The following PRELID2 variants were observed in gnomAD, a reference collection of about 807,000 sequenced individuals.
The protein encoded by PRELID2 is PRELI domain-containing protein 2.
Under a neutral mutation model 28.4 loss-of-function variants are expected in PRELID2, and 25 were observed. That is an observed-to-expected ratio of 0.88 (90% CI 0.64 to 1.23). The LOEUF is 1.23. PRELID2 is among the 50% of genes most tolerant of loss of function. PRELID2 has a pLI of 0.00. For missense variants in PRELID2, 201 were observed against 214.4 expected (o/e 0.94, Z 0.39); for synonymous variants, 76 against 71.6 (o/e 1.06, Z -0.31).
At chr5:145,306,128 G>A in the PRELID2 span, among the ~76,000 whole-genome samples, 18 of 152,172 alleles carry the variant, frequency 1.2e-4, no homozygotes, top group South Asian at 2.7e-3. Context: ...CATGCTTAGC[G>A]TTCCAGTAAT....
intron 3 of PRELID2, 118 bp from the exon 4 acceptor site, chr5:145,818,172 G>C: frequency 2.0e-6 from 2 of 1,022,550 alleles, no homozygotes; most frequent in Non-Finnish European, 2.8e-6. Flanking sequence ...CTGATACATG[G>C]ATGATGGCTC....
the PRELID2 span, among the ~76,000 whole-genome samples, chr5:145,322,470 A>G: frequency 6.6e-6 from 1 of 152,208 alleles, no homozygotes; most frequent in Non-Finnish European, 1.5e-5. Flanking sequence ...TAGCATTGAG[A>G]GGACTTAATT....
At chr5:145,260,978 TG>T in the PRELID2 span, among the ~76,000 whole-genome samples, 1 of 152,128 alleles carries the variant, frequency 6.6e-6, no homozygotes, top group Non-Finnish European at 1.5e-5. Flanking sequence ...AGTGGGGGCA[TG>T]GTGGGAGTGA....
chr5:145,534,517 G>C (rs1752682969), intron 1 of PRELID2, among the ~76,000 whole-genome samples: 1 of 151,932 alleles, frequency 6.6e-6, no homozygotes, highest in South Asian at 2.1e-4. Context: ...AAAAACTGGT[G>C]CAACTAAAAA....
chr5:145,753,400 T>A (rs1757177290), downstream of PRELID2, among the ~76,000 whole-genome samples: 1 of 152,220 alleles, frequency 6.6e-6, no homozygotes, highest in Non-Finnish European at 1.5e-5. Flanking sequence ...CTTTTGATCA[T>A]AACCAAACAG....
chr5:145,671,893 G>A (rs775811126), intron 1 of PRELID2, among the ~76,000 whole-genome samples: 1 of 152,122 alleles, frequency 6.6e-6, no homozygotes, highest in Non-Finnish European at 1.5e-5. Context: ...GCTTTGGAAT[G>A]TTATTGCAAT....
At position 145,486,575 on chromosome 5, in the gene PRELID2, G is replaced by A. The variant is rs61660782; in HGVS notation, n.71-13260C>T. Among the ~76,000 whole-genome samples the A allele has an allele frequency of 3.8e-3, 585 of 152,232 alleles. 3 individuals carry two copies. The highest frequency in any genetic ancestry group is 0.013 in the African/African-American group (559 of 41,532). On this transcript the variant is annotated intron_variant and non_coding_transcript_variant, in intron 1 of 2. Transcript: ENST00000510259. ...TCTTGGTGCATTTTTCTGTAAGACCGCTCTTGGGGAAAATTCAGTCTGGGC... is the reference window on the plus strand; with the variant it reads ...TCTTGGTGCATTTTTCTGTAAGACCACTCTTGGGGAAAATTCAGTCTGGGC...
At chr5:145,422,009 G>A in the PRELID2 span, among the ~76,000 whole-genome samples, 2 of 149,724 alleles carry the variant, frequency 1.3e-5, no homozygotes, top group Admixed American at 6.7e-5. Flanking sequence ...TCATTCAGGA[G>A]CAGGTTGTTC....
chr5:145,259,355 T>C, the PRELID2 span, among the ~76,000 whole-genome samples: 10 of 152,116 alleles, frequency 6.6e-5, no homozygotes, highest in African/African-American at 2.4e-4. Context: ...TTTGCATTCC[T>C]GCACCTGGAA....
chr5:145,395,237 C>T, the PRELID2 span, among the ~76,000 whole-genome samples: 83 of 152,002 alleles, frequency 5.5e-4, 1 homozygote, highest in Non-Finnish European at 3.2e-4. Context: ...CCTTTTCCTG[C>T]CCACCACCCT....
At chr5:145,418,666 G>A in the PRELID2 span, among the ~76,000 whole-genome samples, 2 of 152,148 alleles carry the variant, frequency 1.3e-5, no homozygotes, top group Non-Finnish European at 2.9e-5. Flanking sequence ...AATAAATGGT[G>A]CTGGGAGAAC....
chr5:145,349,609 T>C, the PRELID2 span, among the ~76,000 whole-genome samples: 1 of 152,080 alleles, frequency 6.6e-6, no homozygotes, highest in Admixed American at 6.6e-5. Flanking sequence ...ACTCCACATA[T>C]ACAACCATCT....
At chr5:145,553,613 T>G (rs1385942664) in intron 1 of PRELID2, among the ~76,000 whole-genome samples, 1 of 152,240 alleles carries the variant, frequency 6.6e-6, no homozygotes, top group Non-Finnish European at 1.5e-5. Context: ...GATCATTGAT[T>G]AGGCTGGAAA....
chr5:145,678,618 C>T (rs1754869645), intron 1 of PRELID2, among the ~76,000 whole-genome samples: 1 of 152,168 alleles, frequency 6.6e-6, no homozygotes, highest in East Asian at 1.9e-4. Context: ...GGTTTTTCAA[C>T]TGGCCAATTA....
At position 145,716,666 on chromosome 5, in the gene PRELID2, C is replaced by T. The variant is rs1015564070; in HGVS notation, n.70+48265G>A. ...CACACAGTTGCAACCAAAGTATATA[C>T]GCTATTTTACTGGCTTGATTTTTAC... is the stretch of plus-strand genomic sequence containing the variant. On this transcript the variant is annotated intron_variant and non_coding_transcript_variant, in intron 1 of 2. Coordinates refer to the PRELID2 transcript ENST00000510259. Among the ~76,000 whole-genome samples the T allele has an allele frequency of 6.6e-5, 10 of 152,146 alleles. 1 individual carries two copies. In the South Asian group the frequency reaches 1.9e-3, roughly 28 times the overall value.
Position 145,818,068 on chromosome 5 carries a change from A to G in PRELID2, c.208-14T>C. ...CAAAATGCTCACCTGTCCAACAGAA[A>G]GAAAATGGCTTTTTCAATTTAGGAA... is the stretch of plus-strand genomic sequence containing the variant. On this transcript the variant is annotated splice_polypyrimidine_tract_variant and intron_variant, in intron 3 of 6. Transcript: ENST00000683046. 1 of 1,610,368 alleles carries G rather than the reference A, an allele frequency of 6.2e-7. No individual in the cohort carries two copies. The highest frequency in any genetic ancestry group is 8.5e-7 in the Non-Finnish European group (1 of 1,178,292).
the PRELID2 span, among the ~76,000 whole-genome samples, chr5:145,424,048 G>T: frequency 7.1e-6 from 1 of 140,430 alleles, no homozygotes; most frequent in Non-Finnish European, 1.6e-5. Context: ...TAGGCTGCTC[G>T]GGGGTCAGGG....
chr5:145,329,449 A>G, the PRELID2 span, among the ~76,000 whole-genome samples: 1 of 151,938 alleles, frequency 6.6e-6, no homozygotes, highest in Admixed American at 6.6e-5. Context: ...GTTCTCTCTT[A>G]TTTCCTTGAG....
At chr5:145,416,484 T>C in the PRELID2 span, among the ~76,000 whole-genome samples, 5 of 151,962 alleles carry the variant, frequency 3.3e-5, no homozygotes, top group Non-Finnish European at 7.4e-5. Flanking sequence ...ACAGGCAACC[T>C]ACAAAATGGG....
Sources: allele counts gnomAD v4.1 joint callset (sites outside exome capture counted in the v4.1 genomes callset), GRCh38; gene constraint gnomAD v4.1.1; transcripts MANE v1.5; gene names NCBI Gene and HGNC (gene_info 2026-07-23, HGNC 2026-07-21).